The following MYO15A variants were observed in gnomAD, a reference collection of about 807,000 sequenced individuals.
MYO15A encodes unconventional myosin-XV.
Under a neutral mutation model 394.6 loss-of-function variants are expected in MYO15A, and 308 were observed. The ratio of observed to expected loss-of-function variants is 0.78; its 90% CI spans 0.71 to 0.86. MYO15A has a LOEUF of 0.86. MYO15A is among the 40% of genes least tolerant of loss of function. The pLI is 0.00. For missense variants in MYO15A, 4,606 were observed against 4,799.1 expected (o/e 0.96, Z 1.19); for synonymous variants, 1,957 against 2,003.8 (o/e 0.98, Z 0.62).
At position 18,179,438 on chromosome 17, in the gene MYO15A, G is replaced by A. The variant is rs2047058818; in HGVS notation, c.*568G>A. 2.7e-5 allele frequency: 5 copies of A among 186,568 alleles called. No individual in the cohort carries two copies. The South Asian group carries it at 4.3e-4, about 16-fold the overall frequency. 11.6% of individuals were successfully genotyped at this position (186,568 alleles called of 1,614,324 possible). A position where few individuals can be genotyped will look rare whatever the true frequency, so the allele number is the denominator to read the frequency against. ...TAAGTGGCCGGAAAACAAGCCTGAG[G>A]GAGGAGGCAGGAGTTGGAGTTACCT... On this transcript the variant is annotated 3_prime_UTR_variant, in exon 66 of 66. Coordinates refer to ENST00000647165, the MANE Select transcript of MYO15A (RefSeq NM_016239.4).
rs1366063279 is a variant in MYO15A at position 18,158,590 on chromosome 17, T to C, written c.9035T>C (p.Met3012Thr). The part of the protein sequence containing the change: ...EDALALPPYT[M>T]LEFAQKYFRD... ...GCCCTGGCGCTCCCACCCTACACAATGCTCGAGTTTGCCCAGAAGTATTTC... is the reference window on the plus strand; with the variant it reads ...GCCCTGGCGCTCCCACCCTACACAACGCTCGAGTTTGCCCAGAAGTATTTC... The change falls in exon 52 of 66, where the codon ATG (methionine) becomes ACG (threonine). Residue 3012 changes from methionine to threonine, a missense_variant. By Grantham distance (81) the Met-to-Thr change is moderately conservative. Transcript: ENST00000647165. 6.8e-6 allele frequency: 11 copies of C among 1,614,154 alleles called. No individual in the cohort carries two copies. Among genetic ancestry groups the C allele is most frequent in the Non-Finnish European group, 9.3e-6 (11 of 1,180,010 alleles).
chr17:18,161,085 T>G (rs1454173199), intron 56 of MYO15A: 1 of 684,232 alleles, frequency 1.5e-6, no homozygotes, highest in Non-Finnish European at 2.7e-6. Context: ...AGAGTCGCAG[T>G]GCTTCCCCTA....
chr17:18,178,711 C>T, intron 65 of MYO15A, 58 bp from the exon 66 acceptor site: 1 of 1,536,774 alleles, frequency 6.5e-7, no homozygotes, highest in Non-Finnish European at 9.0e-7. Flanking sequence ...TACTTCCCAC[C>T]CCAAGGTAAG....
At position 18,179,630 on chromosome 17, in the gene MYO15A, G is replaced by A. The variant is rs913099638; in HGVS notation, c.*760G>A. Reference sequence around the variant, plus strand: ...GGGACATTAGCATTGAGTTTTGAAAGATGAGTAGGAGTTTGCTAAGAATAG... The same window carrying A: ...GGGACATTAGCATTGAGTTTTGAAAAATGAGTAGGAGTTTGCTAAGAATAG... On this transcript the variant is annotated 3_prime_UTR_variant, in exon 66 of 66. Coordinates refer to ENST00000647165, the MANE Select transcript of MYO15A (RefSeq NM_016239.4). 1 of 152,798 alleles carries A rather than the reference G, an allele frequency of 6.5e-6. No individual in the cohort carries two copies. The highest frequency in any genetic ancestry group is 1.5e-5 in the Non-Finnish European group (1 of 68,520). The allele number at this position is 152,798 out of a possible 1,614,324, so 9.5% of individuals were successfully genotyped here.
rs989080853 is a variant in MYO15A at position 18,149,544 on chromosome 17, T to G, written c.7176T>G (p.Asp2392Glu). Residue 2392 changes from aspartate to glutamate, a missense_variant, in exon 35 of 66, where the codon GAT (aspartate) becomes GAG (glutamate). Around this residue, in one of 2 missense-constraint regions of MYO15A, gnomAD observed 2,776 missense variants for 3,109.3 expected, o/e 0.89. Coordinates refer to ENST00000647165, the MANE Select transcript of MYO15A (RefSeq NM_016239.4). ...ACAAGGGGCTGGACTGCTACCTGGA[T>G]AGCCTCTTTGACCCTGTGCTGTCCT... Reference protein sequence around the residue: ...VPHKGLDCYLDSLFDPVLSYG... With the variant: ...VPHKGLDCYLESLFDPVLSYG... 5 of 1,614,198 alleles carry G rather than the reference T, an allele frequency of 3.1e-6. No homozygotes were observed. Among genetic ancestry groups the G allele is most frequent in the Middle Eastern group, 1.6e-4 (1 of 6,062 alleles).
At chr17:18,130,748 G>GTGACTCCA in intron 7 of MYO15A, 57 bp from the exon 8 acceptor site, 1 of 1,612,272 alleles carries the variant, frequency 6.2e-7, no homozygotes, top group Non-Finnish European at 8.5e-7. Flanking sequence ...GGTCCTGCTA[G>GTGACTCCA]TGACTCCATT....
chr17:18,144,659 T>TC, intron 29 of MYO15A, 67 bp downstream of exon 29: 1 of 1,470,624 alleles, frequency 6.8e-7, no homozygotes, highest in Non-Finnish European at 9.4e-7. Context: ...GCCATGAGGC[T>TC]CCCAGTCTTC....
chr17:18,143,510 G>A lies in MYO15A; in HGVS notation c.5911-56G>A, dbSNP rs1005841333. ...GCGTAAGCTGGCCTGGCCTGCCTGG[G>A]TGCCGGTCGTCACCTCTGCCTGCCA... On this transcript the variant is annotated intron_variant, in intron 25 of 65. Coordinates refer to ENST00000647165, the MANE Select transcript of MYO15A (RefSeq NM_016239.4). 6 of 1,545,044 alleles carry A rather than the reference G, an allele frequency of 3.9e-6. No homozygotes were observed. In the East Asian group the frequency reaches 1.5e-4, roughly 38 times the overall value.
chr17:18,135,188 G>A (rs1014890707), intron 12 of MYO15A, among the ~76,000 whole-genome samples: 3 of 151,146 alleles, frequency 2.0e-5, no homozygotes, highest in South Asian at 2.1e-4. Flanking sequence ...TTATTTTTTC[G>A]AGACGGAGTT....
At chr17:18,129,839 TG>T (rs933954314) in intron 7 of MYO15A, among the ~76,000 whole-genome samples, 4 of 152,216 alleles carry the variant, frequency 2.6e-5, no homozygotes, top group African/African-American at 9.6e-5. Context: ...TGGTCACCCC[TG>T]GGCAGCTCTG....
chr17:18,119,447 A>T lies in MYO15A; in HGVS notation c.647A>T (p.His216Leu), dbSNP rs753731269. The T allele has an allele frequency of 5.0e-6, 8 of 1,611,848 alleles. No homozygotes were observed. The highest frequency in any genetic ancestry group is 6.8e-6 in the Non-Finnish European group (8 of 1,179,776). Residue 216 changes from histidine (H) to leucine (L), a missense_variant, in exon 2 of 66, where the codon CAC (histidine) becomes CTC (leucine). By Grantham distance (99) the His-to-Leu change is moderately conservative (BLOSUM62 -3). Coordinates refer to ENST00000647165, the MANE Select transcript of MYO15A (RefSeq NM_016239.4). ...LPFEDEAPFH[H>L]SGSRKSLYGL... ...TTCGAGGACGAGGCCCCATTCCATC[A>T]CTCGGGCTCCCGCAAGTCGCTGTAC...
chr17:18,172,694 TCACTGTGTCCTCAC>T (rs1434622181), intron 64 of MYO15A: 1 of 350,126 alleles, frequency 2.9e-6, no homozygotes, highest in Non-Finnish European at 5.6e-6. Flanking sequence ...ACAGCTGTCC[TCACTGTGTCCTCAC>T]ATGGCCTTTC....
chr17:18,158,713 G>C (rs2046727110), intron 52 of MYO15A, 75 bp downstream of exon 52: 34 of 1,551,008 alleles, frequency 2.2e-5, no homozygotes, highest in Non-Finnish European at 2.9e-5. Context: ...ACTGCAGGCT[G>C]TCAGTCTCGG....
chr17:18,162,627 G>T lies in MYO15A; in HGVS notation c.9560G>T (p.Arg3187Leu), dbSNP rs775028334. 2 of 1,613,986 alleles carry T rather than the reference G, an allele frequency of 1.2e-6. No individual in the cohort carries two copies. The highest frequency in any genetic ancestry group is 2.2e-5 in the East Asian group (1 of 44,886). Residue 3187 changes from arginine to leucine, a missense_variant, in exon 58 of 66, where the codon CGC (arginine) becomes CTC (leucine). Arg to Leu is a moderately radical substitution (Grantham distance 102). This residue lies in a region of MYO15A where 2,776 missense variants were observed against 3,109.3 expected (regional missense o/e 0.89). Coordinates refer to ENST00000647165, the MANE Select transcript of MYO15A (RefSeq NM_016239.4). ...GAGCAGAACCTGCAGAAAACCTTGC[G>T]CTTCGGAGGTCGTCTGGAGCTCCCC... ...ACEQNLQKTL[R>L]FGGRLELPSS...
chr17:18,178,716 G>C, intron 65 of MYO15A, 53 bp from the exon 66 acceptor site: 2 of 1,539,188 alleles, frequency 1.3e-6, no homozygotes, highest in Non-Finnish European at 9.0e-7. Context: ...CCCACCCCAA[G>C]GTAAGAGCTG....
chr17:18,169,184 C>T (rs954760322), intron 62 of MYO15A, among the ~76,000 whole-genome samples: 1 of 150,026 alleles, frequency 6.7e-6, no homozygotes, highest in African/African-American at 2.4e-5. Context: ...CAGTGGCTCA[C>T]GCCTGTAATC....
intron 65 of MYO15A, 148 bp from the exon 66 acceptor site, chr17:18,178,621 C>G: frequency 5.0e-6 from 4 of 792,408 alleles, no homozygotes; most frequent in South Asian, 2.9e-5. Context: ...ATGCTCCTCT[C>G]AGGCCCTGGG....
intron 5 of MYO15A, 31 bp from the exon 6 acceptor site, chr17:18,126,760 A>G: frequency 1.2e-6 from 2 of 1,612,528 alleles, no homozygotes; most frequent in Non-Finnish European, 1.7e-6. Context: ...GCTTAGAGGC[A>G]GGGGCCAGCT....
chr17:18,166,836 T>A (rs1266557046), intron 61 of MYO15A, among the ~76,000 whole-genome samples: 1 of 152,200 alleles, frequency 6.6e-6, no homozygotes. Context: ...TCGGATGTCT[T>A]CCTCCTCTGA....
Sources: gnomAD v4.1 joint callset for allele counts (sites outside exome capture counted in the v4.1 genomes callset) on GRCh38, gnomAD v4.1.1 for gene constraint, gnomAD v4.1.1 regional missense constraint, MANE v1.5 for transcripts, NCBI Gene and HGNC (gene_info 2026-07-23, HGNC 2026-07-21) for gene names.